Variants in CCDC7 observed in about 807,000 individuals in gnomAD.
The protein encoded by CCDC7 is coiled-coil domain containing 7.
Under a neutral mutation model 196.9 loss-of-function variants are expected in CCDC7, and 183 were observed. The ratio of observed to expected loss-of-function variants is 0.93; its 90% CI spans 0.82 to 1.05. The LOEUF (loss-of-function observed/expected upper bound fraction) is 1.05. Ranked by LOEUF, CCDC7 falls within the 50% of genes least tolerant of loss-of-function variation. The pLI is 0.00. For synonymous variants in CCDC7, 525 were observed against 484.6 expected (o/e 1.08, Z -1.10); for missense variants, 1,540 against 1,482.2 (o/e 1.04, Z -0.64).
intron 31 of CCDC7, among the ~76,000 whole-genome samples, chr10:32,819,615 A>T (rs2135547266): frequency 6.6e-6 from 1 of 152,310 alleles, no homozygotes; most frequent in Non-Finnish European, 1.5e-5. Context: ...AAGCTTATCC[A>T]CCATGATCAA....
upstream of CCDC7, among the ~76,000 whole-genome samples, chr10:32,451,390 A>G (rs1342808709): frequency 6.6e-6 from 1 of 152,172 alleles, no homozygotes; most frequent in Non-Finnish European, 1.5e-5. Flanking sequence ...TATAAATTAG[A>G]TATTGTGATA....
rs544571840 is a variant in CCDC7 at position 32,641,553 on chromosome 10, C to G, written c.2014+6395C>G. 5.3e-4 allele frequency among the ~76,000 whole-genome samples: 81 copies of G among 152,304 alleles called. No individual in the cohort carries two copies. The South Asian group carries it at 0.016, about 29-fold the overall frequency. ...TTGGTTATTCTAGTTAGCCATTCAT[C>G]TAATTGTTTTTCAAAGTTTTTAACT... On this transcript the variant is annotated intron_variant, in intron 20 of 41. Coordinates refer to ENST00000639629, the Ensembl canonical transcript of CCDC7.
At chr10:32,716,637 T>C (rs1169057776) in intron 25 of CCDC7, among the ~76,000 whole-genome samples, 2 of 152,208 alleles carry the variant, frequency 1.3e-5, no homozygotes, top group African/African-American at 2.4e-5. Flanking sequence ...ATTGGTGTGC[T>C]GTATTCAGGA....
chr10:32,636,562 C>T (rs553272260), intron 20 of CCDC7, among the ~76,000 whole-genome samples: 15 of 152,300 alleles, frequency 9.8e-5, no homozygotes, highest in Middle Eastern at 6.8e-3. Context: ...ATGAACTCAT[C>T]CTTTTTTATG....
intron 22 of CCDC7, among the ~76,000 whole-genome samples, chr10:32,687,445 A>G (rs1591599589): frequency 6.6e-6 from 1 of 152,160 alleles, no homozygotes; most frequent in African/African-American, 2.4e-5. Context: ...TATATCAATA[A>G]TATATTCAGT....
chr10:32,457,118 C>T (rs1363268147), intron 3 of CCDC7, among the ~76,000 whole-genome samples: 4 of 151,792 alleles, frequency 2.6e-5, no homozygotes, highest in East Asian at 1.9e-4. Flanking sequence ...AATTTTTTAT[C>T]GTTTAACCAA....
chr10:32,797,034 TAAG>T (rs892889219), intron 29 of CCDC7, among the ~76,000 whole-genome samples: 78 of 152,200 alleles, frequency 5.1e-4, no homozygotes, highest in Non-Finnish European at 9.4e-4. Context: ...AGAATTGTTC[TAAG>T]AAGTCATTAT....
chr10:32,664,754 T>G (rs534532854), intron 21 of CCDC7, among the ~76,000 whole-genome samples: 13 of 152,210 alleles, frequency 8.5e-5, no homozygotes, highest in African/African-American at 2.9e-4. Context: ...TTGGTTATTG[T>G]GAGTAATGTT....
chr10:32,787,074 G>A (rs1382470835), intron 29 of CCDC7, among the ~76,000 whole-genome samples: 7 of 152,070 alleles, frequency 4.6e-5, no homozygotes, highest in African/African-American at 1.4e-4. Flanking sequence ...GGACACCATC[G>A]AGTGGATCAG....
intron 29 of CCDC7, among the ~76,000 whole-genome samples, chr10:32,786,682 A>T (rs1237837602): frequency 6.6e-6 from 1 of 152,158 alleles, no homozygotes; most frequent in Non-Finnish European, 1.5e-5. Context: ...AATTGTTTCA[A>T]CCCAGGGGGC....
intron 21 of CCDC7, among the ~76,000 whole-genome samples, chr10:32,668,345 A>C (rs1591367391): frequency 6.6e-6 from 1 of 152,162 alleles, no homozygotes; most frequent in African/African-American, 2.4e-5. Context: ...TCTTTTCCTA[A>C]TTGAATACCC....
intron 7 of CCDC7, 59 bp from the exon 9 acceptor site, chr10:32,473,908 C>T: frequency 6.8e-7 from 1 of 1,464,260 alleles, no homozygotes; most frequent in Middle Eastern, 2.1e-4. Context: ...AATTTAAACT[C>T]AATTAGTATA....
chr10:32,524,200 T>C (rs1316803756), intron 11 of CCDC7, among the ~76,000 whole-genome samples: 2 of 152,156 alleles, frequency 1.3e-5, no homozygotes, highest in East Asian at 3.9e-4. Context: ...TACTATCTTA[T>C]AACCCACAAC....
At chr10:32,505,292 T>C (rs1045069823) in intron 9 of CCDC7, among the ~76,000 whole-genome samples, 3 of 152,130 alleles carry the variant, frequency 2.0e-5, no homozygotes, top group African/African-American at 7.2e-5. Flanking sequence ...GATAAACACG[T>C]GAACAAAGGT....
intron 11 of CCDC7, among the ~76,000 whole-genome samples, chr10:32,521,265 T>C (rs2047837294): frequency 6.6e-6 from 1 of 152,176 alleles, no homozygotes; most frequent in South Asian, 2.1e-4. Context: ...ATATCATTGA[T>C]ATTTTGACAG....
chr10:32,745,016 G>C (rs1390305511), intron 28 of CCDC7, among the ~76,000 whole-genome samples: 2 of 152,170 alleles, frequency 1.3e-5, no homozygotes, highest in African/African-American at 4.8e-5. Context: ...TCTGTATCTA[G>C]ATTTATATTT....
At chr10:32,651,579 C>T (rs1409567441) in intron 20 of CCDC7, among the ~76,000 whole-genome samples, 2 of 152,144 alleles carry the variant, frequency 1.3e-5, no homozygotes, top group Non-Finnish European at 2.9e-5. Context: ...TGGAGGATTT[C>T]GGGCAGGAGC....
At chr10:32,672,346 C>T (rs757779801) in intron 21 of CCDC7, among the ~76,000 whole-genome samples, 7 of 152,142 alleles carry the variant, frequency 4.6e-5, no homozygotes, top group Non-Finnish European at 1.0e-4. Context: ...ACACAGTGAA[C>T]GTGTGGCTCT....
At chr10:32,796,673 A>G (rs2083605318) in intron 29 of CCDC7, among the ~76,000 whole-genome samples, 1 of 152,184 alleles carries the variant, frequency 6.6e-6, no homozygotes, top group Non-Finnish European at 1.5e-5. Context: ...TCACTCCATC[A>G]GAGGACCTTT....
Sources: allele counts gnomAD v4.1 joint callset (sites outside exome capture counted in the v4.1 genomes callset), GRCh38; gene constraint gnomAD v4.1.1; transcripts MANE v1.5; gene names NCBI Gene and HGNC (gene_info 2026-07-23, HGNC 2026-07-21).